The following CCM2 variants were observed in gnomAD, a reference collection of about 807,000 sequenced individuals.
CCM2 encodes cerebral cavernous malformations 2 protein.
In CCM2, 25 loss-of-function variants were observed where a neutral mutation model predicts 44.9. That is an observed-to-expected ratio of 0.56 (90% CI 0.41 to 0.78). The LOEUF is 0.78. Ranked by LOEUF, CCM2 falls within the 30% of genes least tolerant of loss-of-function variation. The pLI, the probability that CCM2 is intolerant of heterozygous loss-of-function variation, is 0.00. For missense variants in CCM2, 481 were observed against 580.6 expected (o/e 0.83, Z 1.76); for synonymous variants, 219 against 241.1 (o/e 0.91, Z 0.85).
chr7:45,012,913 G>A (rs540137691), intron 1 of CCM2, among the ~76,000 whole-genome samples: 1 of 152,134 alleles, frequency 6.6e-6, no homozygotes, highest in Non-Finnish European at 1.5e-5. Context: ...GTTTTAAACT[G>A]CATGCTTTAT....
At chr7:44,999,903 T>C (rs915951214), upstream of CCM2, 2 of 329,044 alleles carry the variant, frequency 6.1e-6, no homozygotes, top group Non-Finnish European at 1.2e-5. Context: ...GTAGGAGCGT[T>C]TCCGGCTCTC....
At position 45,064,740 on chromosome 7, in the gene CCM2, T is replaced by G. The variant is rs1798691266; in HGVS notation, c.472+94T>G. 2.5e-5 allele frequency: 32 copies of G among 1,287,336 alleles called. 1 individual carries two copies. The South Asian group carries it at 4.0e-4, about 16-fold the overall frequency. The allele number at this position is 1,287,336 out of a possible 1,614,324, so 79.7% of individuals were successfully genotyped here. ...GGAGACAGTTTTTGCAGCTTCGTGTTGGGTGCTGCTGTTTGTCACGACCAA... is the reference window on the plus strand; with the variant it reads ...GGAGACAGTTTTTGCAGCTTCGTGTGGGGTGCTGCTGTTTGTCACGACCAA... On this transcript the variant is annotated intron_variant, in intron 4 of 9. Coordinates refer to ENST00000258781, the MANE Select transcript of CCM2 (RefSeq NM_031443.4).
At chr7:45,010,367 C>G (rs901713862) in intron 1 of CCM2, among the ~76,000 whole-genome samples, 1 of 152,142 alleles carries the variant, frequency 6.6e-6, no homozygotes, top group Non-Finnish European at 1.5e-5. Context: ...TAGTACTGTT[C>G]TGATTTTTTT....
At chr7:45,029,323 C>T (rs1796848746) in intron 1 of CCM2, 2 of 152,060 alleles carry the variant, frequency 1.3e-5, no homozygotes, top group African/African-American at 4.8e-5. Flanking sequence ...TAAAACCCAC[C>T]TTGTAGTTTA....
intron 1 of CCM2, among the ~76,000 whole-genome samples, chr7:45,016,103 A>G (rs1428976723): frequency 6.6e-6 from 1 of 152,338 alleles, no homozygotes; most frequent in Middle Eastern, 3.4e-3. Context: ...TATTTCTTAC[A>G]AAGAGTTGCA....
rs531898730 is a variant in CCM2, at chr7:45,034,583, A to G, written c.31-3670A>G. 2.9e-5 allele frequency among the ~76,000 whole-genome samples: 4 copies of G among 136,884 alleles called. No homozygotes were observed. In the South Asian group the frequency reaches 9.3e-4, roughly 32 times the overall value. The allele number at this position is 136,884 out of a possible 152,430, so 89.8% of individuals were successfully genotyped here. A position where few individuals can be genotyped will look rare whatever the true frequency, so the allele number is the denominator to read the frequency against. On this transcript the variant is annotated intron_variant, in intron 1 of 9. Transcript: ENST00000258781. ...GGCCAGGCTGGGGTGCAATAGCACA[A>G]TCTCGGCTCACTGCAACCTCCGCTT...
intron 2 of CCM2, among the ~76,000 whole-genome samples, chr7:45,042,481 C>G (rs1335329284): frequency 1.3e-5 from 2 of 151,970 alleles, no homozygotes; most frequent in Non-Finnish European, 2.9e-5. Context: ...TAAAGCCCAT[C>G]ATAGTAGAAT....
intron 2 of CCM2, among the ~76,000 whole-genome samples, chr7:45,048,880 G>T (rs1797875941): frequency 2.0e-5 from 3 of 152,326 alleles, no homozygotes; most frequent in Middle Eastern, 3.4e-3. Flanking sequence ...CTCATAGCAG[G>T]CTTGCTGTGT....
rs959240533 is a variant in CCM2 at position 45,066,891 on chromosome 7, A to G, written c.473-1552A>G. ...CCAAAAAAAGAAAAAAAGTAAAGGG[A>G]AACCAGTAAATTTTTTTTTTTTTTT... On this transcript the variant is annotated intron_variant, in intron 4 of 9. Coordinates refer to ENST00000258781, the MANE Select transcript of CCM2 (RefSeq NM_031443.4). Among the ~76,000 whole-genome samples, 3 of 149,950 alleles carry G rather than the reference A, an allele frequency of 2.0e-5. No individual in the cohort carries two copies. The South Asian group carries it at 6.3e-4, about 31-fold the overall frequency.
In CCM2 at chr7:45,000,291, CCCGGGGCGGG is replaced by C; in HGVS notation, c.-37_-28del. The C allele has an allele frequency of 1.6e-6, 2 of 1,219,740 alleles. No individual in the cohort carries two copies. The highest frequency in any genetic ancestry group is 2.1e-6 in the Non-Finnish European group (2 of 972,962). The allele number at this position is 1,219,740 out of a possible 1,614,324, so 75.6% of individuals were successfully genotyped here. On this transcript the variant is annotated 5_prime_UTR_variant, in exon 1 of 10. Transcript: ENST00000258781. ...TGTAGCGGCTGCTGGCGGCGGGGCT[CCCGGGGCGGG>C]CCGGGCGGGCCGCGGGAGCCGCACG...
At chr7:45,068,637 C>T in intron 5 of CCM2, 58 bp downstream of exon 5, 3 of 1,606,080 alleles carry the variant, frequency 1.9e-6, no homozygotes, top group South Asian at 1.1e-5. Flanking sequence ...CTGCTCATGG[C>T]CAGCCCCACC....
chr7:45,006,555 A>G (rs996797208), intron 1 of CCM2, among the ~76,000 whole-genome samples: 1 of 152,088 alleles, frequency 6.6e-6, no homozygotes, highest in Non-Finnish European at 1.5e-5. Context: ...CGTATTAGCC[A>G]GGATGGTCTC....
At chr7:45,034,027 A>G (rs1797091477) in intron 1 of CCM2, among the ~76,000 whole-genome samples, 2 of 152,182 alleles carry the variant, frequency 1.3e-5, no homozygotes, top group Non-Finnish European at 2.9e-5. Context: ...CGCACTGCAA[A>G]CTACCTGTCA....
chr7:45,000,464 G>GGGT (rs1554353584), intron 1 of CCM2, 101 bp downstream of exon 1: 46 of 190,444 alleles, frequency 2.4e-4, no homozygotes, highest in African/African-American at 1.1e-3. Flanking sequence ...CGGGGGGGGG[G>GGGT]GCAGTGGGCC....
chr7:45,047,314 C>T (rs10235041), intron 2 of CCM2, among the ~76,000 whole-genome samples: 20,298 of 152,258 alleles, frequency 0.13, 1,661 homozygotes, highest in Middle Eastern at 0.22. Context: ...GAAACAACTC[C>T]ATGTCCTTTG....
intron 2 of CCM2, 91 bp downstream of exon 2, chr7:45,038,517 A>G: frequency 7.6e-7 from 1 of 1,315,314 alleles, no homozygotes; most frequent in Non-Finnish European, 1.1e-6. Context: ...TATAAGACAC[A>G]GCCACACAAA....
chr7:45,024,095 G>A (rs540308221), intron 1 of CCM2, among the ~76,000 whole-genome samples: 11 of 152,154 alleles, frequency 7.2e-5, no homozygotes, highest in Admixed American at 2.0e-4. Flanking sequence ...ACAGGCATGA[G>A]CCACCGCACC....
chr7:45,043,644 T>G (rs1427319878), intron 2 of CCM2: 1 of 359,380 alleles, frequency 2.8e-6, no homozygotes, highest in African/African-American at 2.3e-5. Context: ...AAAAAAAAAT[T>G]GTGGAGAAAT....
chr7:45,009,679 C>T (rs1418212823), intron 1 of CCM2, among the ~76,000 whole-genome samples: 1 of 152,136 alleles, frequency 6.6e-6, no homozygotes, highest in Non-Finnish European at 1.5e-5. Flanking sequence ...GCTGGGATTA[C>T]ACTCATGAGC....
Sources: allele counts gnomAD v4.1 joint callset (sites outside exome capture counted in the v4.1 genomes callset), GRCh38; gene constraint gnomAD v4.1.1; transcripts MANE v1.5; gene names NCBI Gene and HGNC (gene_info 2026-07-23, HGNC 2026-07-21).